Variants in EBF4 observed in about 807,000 individuals in gnomAD.
EBF4 encodes the protein EBF transcription factor 4, also known as transcription factor COE4.
A neutral mutation model predicts 67.1 loss-of-function variants in EBF4; 34 were observed. The ratio of observed to expected loss-of-function variants is 0.51; its 90% CI spans 0.39 to 0.67. The LOEUF is 0.67. EBF4 is among the 30% of genes least tolerant of loss of function. The pLI, the probability that EBF4 is intolerant of heterozygous loss-of-function variation, is 0.00. For missense variants in EBF4, 837 were observed against 873.3 expected, an observed-to-expected ratio of 0.96 and a Z score of 0.52; for synonymous variants, 387 against 377.7, an observed-to-expected ratio of 1.02 and a Z score of -0.29.
At chr20:2,729,589 T>A (rs1298882614) in intron 6 of EBF4, among the ~76,000 whole-genome samples, 1 of 152,092 alleles carries the variant, frequency 6.6e-6, no homozygotes, top group African/African-American at 2.4e-5. Context: ...CTACAGCATC[T>A]TGAGAGCTCC....
rs964184358 is a variant in EBF4, at chr20:2,745,124, C to T, written c.558-3425C>T. 3.3e-5 allele frequency among the ~76,000 whole-genome samples: 5 copies of T among 152,104 alleles called. No homozygotes were observed. The highest frequency in any genetic ancestry group is 1.2e-4 in the African/African-American group (5 of 41,412). ...GGGTGAACCAGCATCACCTGGAGGG[C>T]GTATGAATGCAGAGATGTGATTCTG... is the stretch of plus-strand genomic sequence containing the variant. On this transcript the variant is annotated intron_variant, in intron 6 of 16. Transcript: ENST00000609451. This position sits in a 1 kb window ranked among gnomAD's most constrained non-coding sequence, Gnocchi z 5.2.
chr20:2,730,787 G>A (rs1249805881), intron 6 of EBF4, among the ~76,000 whole-genome samples: 1 of 152,188 alleles, frequency 6.6e-6, no homozygotes, highest in African/African-American at 2.4e-5. Context: ...CAGCTCTGCT[G>A]GTAGAAAGCA....
chr20:2,693,406 G>T (rs887738149), upstream of EBF4, among the ~76,000 whole-genome samples: 2 of 150,410 alleles, frequency 1.3e-5, no homozygotes, highest in Non-Finnish European at 3.0e-5. The surrounding 1 kb of genome is among the most constrained non-coding windows in gnomAD (Gnocchi z 4.6). Context: ...CGCTCAGGCC[G>T]CGGGGGAATC....
Position 2,751,678 on chromosome 20 carries a change from C to G in EBF4, c.1019-22C>G, listed in dbSNP as rs1289919082. ...GGGGGGCTGCGGGGGAGACGTCCTC[C>G]AAACGCCGCCCCCTTCCCCAGCTCT... On this transcript the variant is annotated intron_variant, in intron 10 of 16. Transcript: ENST00000609451. The surrounding 1 kb of genome is among the most constrained non-coding windows in gnomAD (Gnocchi z 5.2). 1.3e-6 allele frequency: 2 copies of G among 1,550,082 alleles called. No homozygotes were observed. The highest frequency in any genetic ancestry group is 2.4e-5 in the South Asian group (2 of 84,050).
rs778840182 is a variant in EBF4, at chr20:2,744,487, C to CTTTTTTTTTTT, written c.558-4058_558-4057insTTTTTTTTTTT. Among the ~76,000 whole-genome samples the CTTTTTTTTTTT allele has an allele frequency of 1.0e-3, 113 of 111,452 alleles. 1 individual carries two copies. The highest frequency in any genetic ancestry group is 1.9e-3 in the African/African-American group (48 of 25,458). 73.1% of individuals were successfully genotyped at this position (111,452 alleles called of 152,430 possible). ...TTTTTCTTTTCTTTTTTCTTTTTTT[C>CTTTTTTTTTTT]TTTTCTTTTTTTTTTTTTTTTTGAG... is the stretch of plus-strand genomic sequence containing the variant. On this transcript the variant is annotated intron_variant, in intron 6 of 16. Transcript: ENST00000609451.
intron 14 of EBF4, among the ~76,000 whole-genome samples, chr20:2,754,857 G>A (rs1299578534): frequency 1.3e-5 from 2 of 151,840 alleles, no homozygotes; most frequent in East Asian, 3.9e-4. Flanking sequence ...TTCCCAGGAG[G>A]GCAAGCCGCA....
At chr20:2,695,054 C>T (rs1330856439) in intron 1 of EBF4, among the ~76,000 whole-genome samples, 1 of 151,852 alleles carries the variant, frequency 6.6e-6, no homozygotes, top group Admixed American at 6.6e-5. Flanking sequence ...TTTTTCTTCC[C>T]ATTAACTTGT....
intron 6 of EBF4, among the ~76,000 whole-genome samples, chr20:2,740,218 C>T (rs556910083): frequency 2.6e-5 from 4 of 152,178 alleles, no homozygotes; most frequent in South Asian, 4.1e-4. Context: ...GAGGCTGAGG[C>T]GGGAGAATCG....
rs139450717 is a variant in EBF4, at chr20:2,706,646, C to T, written c.414+382C>T. ...GAATGGCACCAGAAGTGTCCCCCCT[C>T]GAAGCAAGTACCAGGATTTTGCACC... On this transcript the variant is annotated intron_variant, in intron 4 of 16. Transcript: ENST00000609451. 8.7e-4 allele frequency among the ~76,000 whole-genome samples: 133 copies of T among 152,208 alleles called. 3 individuals carry two copies. In the East Asian group the frequency reaches 0.02, roughly 23 times the overall value.
At chr20:2,742,480 G>A (rs1487921789) in intron 6 of EBF4, among the ~76,000 whole-genome samples, 1 of 152,162 alleles carries the variant, frequency 6.6e-6, no homozygotes, top group East Asian at 1.9e-4. Flanking sequence ...TGTATTTATG[G>A]TGTTTTCTTC....
In EBF4 at chr20:2,754,979, CA is replaced by C. The variant is rs869070834; in HGVS notation, c.1541-647del. 1,224 of 124,004 alleles carry C rather than the reference CA, an allele frequency of 9.9e-3. 75 individuals carry two copies. The highest frequency in any genetic ancestry group is 0.032 in the South Asian group (119 of 3,746). 7.7% of individuals were successfully genotyped at this position (124,004 alleles called of 1,614,324 possible). A position where few individuals can be genotyped will look rare whatever the true frequency, so the allele number is the denominator to read the frequency against. Reference sequence around the variant, plus strand: ...GGAGATTCAGGAGACCACCCCCCCCCACAGGGCCCAGGCTGGAGATGACAAG... The same window carrying C: ...GGAGATTCAGGAGACCACCCCCCCCCCAGGGCCCAGGCTGGAGATGACAAG... On this transcript the variant is annotated intron_variant, in intron 14 of 16. Coordinates refer to ENST00000609451, the Ensembl canonical transcript of EBF4.
chr20:2,696,703 C>T lies in EBF4; in HGVS notation c.137+2921C>T, dbSNP rs573668037. 2.0e-5 allele frequency among the ~76,000 whole-genome samples: 3 copies of T among 152,104 alleles called. No individual in the cohort carries two copies. The highest frequency in any genetic ancestry group is 7.2e-5 in the African/African-American group (3 of 41,422). On this transcript the variant is annotated intron_variant, in intron 1 of 16. Coordinates refer to ENST00000609451, the Ensembl canonical transcript of EBF4. The surrounding 1 kb of genome is among the most constrained non-coding windows in gnomAD (Gnocchi z 4.7). Reference sequence around the variant, plus strand: ...AAACAATCCCTCTGCCCTCAGCACCCGCACATCCCCTGGATTAAGTCTCAC... The same window carrying T: ...AAACAATCCCTCTGCCCTCAGCACCTGCACATCCCCTGGATTAAGTCTCAC...
intron 5 of EBF4, 89 bp downstream of exon 5, chr20:2,708,109 C>T (rs771749385): frequency 1.5e-6 from 2 of 1,356,188 alleles, no homozygotes; most frequent in Non-Finnish European, 2.0e-6. Flanking sequence ...CCGCCCTTGC[C>T]CCTGGCTGCT....
At chr20:2,737,053 T>C (rs538867223) in intron 6 of EBF4, among the ~76,000 whole-genome samples, 10 of 151,808 alleles carry the variant, frequency 6.6e-5, no homozygotes, top group South Asian at 6.3e-4. Flanking sequence ...ATGGAGACCA[T>C]CCTGGCTAAC....
intron 6 of EBF4, among the ~76,000 whole-genome samples, chr20:2,734,237 G>A (rs2087850275): frequency 6.6e-6 from 1 of 152,016 alleles, no homozygotes; most frequent in African/African-American, 2.4e-5. Context: ...GTGAAACCCT[G>A]TCTCTACAAA....
rs777158035 is a variant in EBF4, at chr20:2,755,748, C to G, written c.1662C>G (p.Ser554Arg). ...TGATCTCCGCCGTCAAACAGAGGAGCGCCTTCGCCCCCGTGCTGCGCCCCC... is the reference window on the plus strand; with the variant it reads ...TGATCTCCGCCGTCAAACAGAGGAGGGCCTTCGCCCCCGTGCTGCGCCCCC... The change falls in exon 15 of 17, where the codon AGC (serine) becomes AGG (arginine). Residue 554 changes from serine to arginine, a missense_variant. Physicochemically the swap from Ser to Arg is moderately radical, Grantham distance 110. Transcript: ENST00000609451. This position sits in a 1 kb window ranked among gnomAD's most constrained non-coding sequence, Gnocchi z 4.7. The G allele has an allele frequency of 1.3e-6, 2 of 1,550,912 alleles. No individual in the cohort carries two copies. Among genetic ancestry groups the G allele is most frequent in the Non-Finnish European group, 1.7e-6 (2 of 1,146,924 alleles).
intron 6 of EBF4, among the ~76,000 whole-genome samples, chr20:2,724,974 T>G (rs1225324575): frequency 1.3e-5 from 2 of 152,230 alleles, no homozygotes; most frequent in Non-Finnish European, 2.9e-5. Flanking sequence ...TCTCTGGCAG[T>G]ATATGAGAGC....
At chr20:2,748,433 T>C in intron 6 of EBF4, 116 bp from the exon 7 acceptor site, 14 of 929,526 alleles carry the variant, frequency 1.5e-5, no homozygotes, top group Non-Finnish European at 2.3e-5. Context: ...TGTGCCTGAG[T>C]GGGAGCAGGC....
chr20:2,752,689 TC>T, intron 14 of EBF4, 144 bp downstream of exon 14: 1 of 699,778 alleles, frequency 1.4e-6, no homozygotes, highest in South Asian at 7.3e-5. Context: ...AGGCCCACCG[TC>T]CCCGCCTGGG....
Sources: gnomAD v4.1 joint callset for allele counts (sites outside exome capture counted in the v4.1 genomes callset) on GRCh38, gnomAD v4.1.1 for gene constraint, Gnocchi (gnomAD v3.1) non-coding constraint, MANE v1.5 for transcripts, NCBI Gene and HGNC (gene_info 2026-07-23, HGNC 2026-07-21) for gene names.